Variants in NTM observed in about 807,000 individuals in gnomAD.
NTM encodes the protein neurotrimin.
NTM carries 13 observed loss-of-function variants against 42.1 expected under a neutral mutation model. The ratio of observed to expected loss-of-function variants is 0.31; its 90% CI spans 0.20 to 0.49. NTM has a LOEUF of 0.49. NTM is among the 20% of genes least tolerant of loss of function. NTM has a pLI of 0.99. For missense variants in NTM, 373 were observed against 452.8 expected, an observed-to-expected ratio of 0.82 and a Z score of 1.60; for synonymous variants, 187 against 179.2, an observed-to-expected ratio of 1.04 and a Z score of -0.35.
Position 132,310,248 on chromosome 11 carries a change from T to C in NTM, c.782+16T>C. The C allele has an allele frequency of 6.3e-7, 1 of 1,585,008 alleles. No homozygotes were observed. Among genetic ancestry groups the C allele is most frequent in the East Asian group, 2.3e-5 (1 of 43,660 alleles). ...ATGACAAAAGGTAAAGCTTCCTTCTTTCCTATCCCACCCCTACCCCCATCT... is the reference window on the plus strand; with the variant it reads ...ATGACAAAAGGTAAAGCTTCCTTCTCTCCTATCCCACCCCTACCCCCATCT... On this transcript the variant is annotated intron_variant, in intron 6 of 8. Transcript: ENST00000683400.
chr11:131,823,596 C>T (rs749336846), intron 1 of NTM, among the ~76,000 whole-genome samples: 16 of 152,054 alleles, frequency 1.1e-4, no homozygotes, highest in Non-Finnish European at 2.1e-4. Context: ...TAATAGAATA[C>T]ACTCTTTAAA....
At chr11:132,324,517 CA>C (rs1264517942) in intron 7 of NTM, among the ~76,000 whole-genome samples, 1 of 151,562 alleles carries the variant, frequency 6.6e-6, no homozygotes, top group East Asian at 1.9e-4. Context: ...TCAATGAAAT[CA>C]AAGAGGATAC....
At chr11:131,887,932 G>T (rs1394687833) in intron 1 of NTM, among the ~76,000 whole-genome samples, 3 of 152,158 alleles carry the variant, frequency 2.0e-5, no homozygotes, top group African/African-American at 7.2e-5. Flanking sequence ...AGAGTAACTT[G>T]CCACATTAAT....
At chr11:131,453,514 C>A (rs1011189628) in intron 1 of NTM, among the ~76,000 whole-genome samples, 1 of 150,630 alleles carries the variant, frequency 6.6e-6, no homozygotes, top group Non-Finnish European at 1.5e-5. Context: ...GACTACAAAG[C>A]GACAAGTACA....
chr11:131,413,623 A>T (rs150827768), intron 1 of NTM, among the ~76,000 whole-genome samples: 1 of 152,288 alleles, frequency 6.6e-6, no homozygotes, highest in East Asian at 1.9e-4. Flanking sequence ...GTCTGAGAGA[A>T]CCAGTCGTCT....
intron 1 of NTM, among the ~76,000 whole-genome samples, chr11:131,862,198 T>C (rs2046708259): frequency 6.6e-6 from 1 of 152,158 alleles, no homozygotes; most frequent in Admixed American, 6.5e-5. Flanking sequence ...AGAACAGCCC[T>C]GTGGAGGAGG....
At chr11:131,650,798 A>G (rs903093082) in intron 1 of NTM, among the ~76,000 whole-genome samples, 4 of 152,250 alleles carry the variant, frequency 2.6e-5, no homozygotes, top group Non-Finnish European at 4.4e-5. Context: ...ATTCTGTTAT[A>G]TAATTTCAAG....
chr11:131,855,757 C>T (rs2046031820), intron 1 of NTM, among the ~76,000 whole-genome samples: 1 of 152,094 alleles, frequency 6.6e-6, no homozygotes, highest in African/African-American at 2.4e-5. Flanking sequence ...TCTTCGGATC[C>T]TTCTGTCTTG....
Position 131,561,016 on chromosome 11 carries a change from C to T in NTM, c.82+190128C>T, listed in dbSNP as rs573619617. 1.9e-4 allele frequency among the ~76,000 whole-genome samples: 29 copies of T among 152,310 alleles called. No homozygotes were observed. The South Asian group carries it at 2.7e-3, about 14-fold the overall frequency. ...GGCGTGCAAGATCACCCTGGACCTT[C>T]GTCTCTCAGAAAAGCCAGTGTCCAC... On this transcript the variant is annotated intron_variant, in intron 1 of 8. Coordinates refer to ENST00000683400, the MANE Select transcript of NTM (RefSeq NM_001352005.2).
chr11:131,688,572 C>T (rs970527676), intron 1 of NTM, among the ~76,000 whole-genome samples: 4 of 152,378 alleles, frequency 2.6e-5, no homozygotes, highest in African/African-American at 9.6e-5. Flanking sequence ...TCTCTGGCTG[C>T]CCCCTCTGTG....
At chr11:131,397,655 G>A (rs781168447) in intron 1 of NTM, among the ~76,000 whole-genome samples, 6 of 152,198 alleles carry the variant, frequency 3.9e-5, no homozygotes, top group Non-Finnish European at 8.8e-5. Flanking sequence ...ATTTGGACTA[G>A]CAACCTCCTT....
At chr11:131,902,463 C>T (rs1003139470) in intron 1 of NTM, among the ~76,000 whole-genome samples, 2 of 152,204 alleles carry the variant, frequency 1.3e-5, no homozygotes, top group African/African-American at 2.4e-5. Context: ...GTGAACTAAA[C>T]ATTTAGAACC....
intron 1 of NTM, among the ~76,000 whole-genome samples, chr11:131,683,364 C>T (rs1438959586): frequency 1.3e-5 from 2 of 152,148 alleles, no homozygotes; most frequent in Non-Finnish European, 1.5e-5. Flanking sequence ...GCAGGGTGCA[C>T]GGGAGGAGGG....
chr11:131,903,229 T>C (rs1213587725), intron 1 of NTM, among the ~76,000 whole-genome samples: 1 of 152,240 alleles, frequency 6.6e-6, no homozygotes, highest in East Asian at 1.9e-4. Flanking sequence ...ATTCCAATAG[T>C]CTAGTCATGG....
rs1945236480 is a variant in NTM at position 131,401,830 on chromosome 11, A to ATATATATATATATATATATATATG, written c.82+30965_82+30966insGTATATATATATATATATATATAT. 3.1e-5 allele frequency among the ~76,000 whole-genome samples: 2 copies of ATATATATATATATATATATATATG among 65,328 alleles called. 1 individual carries two copies. Among genetic ancestry groups the ATATATATATATATATATATATATG allele is most frequent in the African/African-American group, 1.4e-4 (2 of 13,900 alleles). 42.9% of individuals were successfully genotyped at this position (65,328 alleles called of 152,430 possible). A position where few individuals can be genotyped will look rare whatever the true frequency, so the allele number is the denominator to read the frequency against. The stretch of plus-strand genomic sequence containing the variant: ...TATATATATATATATATATATATAT[A>ATATATATATATATATATATATATG]TATATATATATATATATATATATAT... On this transcript the variant is annotated intron_variant, in intron 1 of 8. Transcript: ENST00000683400.
chr11:131,611,200 CA>C (rs1471327497), intron 1 of NTM, among the ~76,000 whole-genome samples: 5 of 151,850 alleles, frequency 3.3e-5, no homozygotes, highest in East Asian at 1.9e-4. Context: ...GAAATATGGT[CA>C]AAAAAATGTG....
chr11:132,168,983 A>G (rs917376113), intron 3 of NTM, among the ~76,000 whole-genome samples: 1 of 152,238 alleles, frequency 6.6e-6, no homozygotes, highest in African/African-American at 2.4e-5. Context: ...ACTATCGAGT[A>G]GGCAAATGGT....
chr11:131,710,870 A>G (rs1216876969), intron 1 of NTM, among the ~76,000 whole-genome samples: 1 of 152,124 alleles, frequency 6.6e-6, no homozygotes. Context: ...CCCTGCAAAC[A>G]AATAAAACAT....
chr11:131,611,283 A>G (rs1273345312), intron 1 of NTM, among the ~76,000 whole-genome samples: 1 of 152,214 alleles, frequency 6.6e-6, no homozygotes, highest in East Asian at 1.9e-4. Flanking sequence ...GTATGAGGTA[A>G]TAGCACGATA....
Sources: allele counts gnomAD v4.1 joint callset (sites outside exome capture counted in the v4.1 genomes callset), GRCh38; gene constraint gnomAD v4.1.1; transcripts MANE v1.5; gene names NCBI Gene and HGNC (gene_info 2026-07-23, HGNC 2026-07-21).